FUT4: variants seen among roughly 807,000 people sequenced by gnomAD.
FUT4 encodes the protein alpha-(1,3)-fucosyltransferase 4.
In FUT4, 1 loss-of-function variant was observed where a neutral mutation model predicts 3.8. The observed-to-expected ratio is 0.26, with a 90% CI of 0.09 to 1.25. The LOEUF (loss-of-function observed/expected upper bound fraction) is 1.25, where lower values mean the gene tolerates loss of function less well. Among genes scored for constraint, FUT4 ranks in the 50% most tolerant of loss-of-function variants. The pLI, the probability that FUT4 is intolerant of heterozygous loss-of-function variation, is 0.47. For synonymous variants in FUT4, 417 were observed against 355.3 expected (o/e 1.17, Z -1.95); for missense variants, 880 against 768.2 (o/e 1.15, Z -1.72).
At position 94,544,903 on chromosome 11, in the gene FUT4, C is replaced by A; in HGVS notation, c.770C>A (p.Ala257Glu). ...PDWPPPWGIQAHTAEEVDLRV... is the reference protein window; with the variant it reads ...PDWPPPWGIQEHTAEEVDLRV... ...TGGCCCCCGCCCTGGGGCATCCAGG[C>A]GCACACTGCCGAGGAGGTGGATCTG... Residue 257 changes from alanine to glutamate, a missense_variant, in exon 1 of 1, where the codon GCG becomes GAG. Physicochemically the swap from Ala to Glu is moderately radical, Grantham distance 107. This residue lies in a region of FUT4 where 424 missense variants were observed against 400.4 expected (regional missense o/e 1.06). Coordinates refer to ENST00000358752, the MANE Select transcript of FUT4 (RefSeq NM_002033.4). 2 of 1,608,872 alleles carry A rather than the reference C, an allele frequency of 1.2e-6. No homozygotes were observed. The highest frequency in any genetic ancestry group is 1.7e-6 in the Non-Finnish European group (2 of 1,178,870).
In FUT4 at chr11:94,544,814, G is replaced by C. The variant is rs1179945261; in HGVS notation, c.681G>C (p.Ala227=). 1.9e-6 allele frequency: 3 copies of C among 1,600,348 alleles called. No individual in the cohort carries two copies. Among genetic ancestry groups the C allele is most frequent in the Non-Finnish European group, 2.5e-6 (3 of 1,178,876 alleles). Residue 227 remains alanine (A), a synonymous_variant, in exon 1 of 1, where the codon GCG becomes GCC. Coordinates refer to ENST00000358752, the MANE Select transcript of FUT4 (RefSeq NM_002033.4). ...GCTGCCGCCTGCTCACCGACCGCGC[G>C]TCCTACGGAGAGGCTCAGGCCGTGC... The part of the protein sequence containing the change: ...ISGCRLLTDR[A]SYGEAQAVLF...
chr11:94,548,918 G>A lies in FUT4; in HGVS notation c.*3192G>A, dbSNP rs950684395. On this transcript the variant is annotated 3_prime_UTR_variant, in exon 1 of 1. Transcript: ENST00000358752. The stretch of plus-strand genomic sequence containing the variant: ...GTCTTTTCCTAGCAGTAATTTAGGG[G>A]AGACAGAGGAGTTTCATGTAAAGAG... The A allele has an allele frequency of 6.0e-6, 1 of 166,972 alleles. No homozygotes were observed. Among genetic ancestry groups the A allele is most frequent in the Non-Finnish European group, 1.5e-5 (1 of 68,106 alleles). 10.3% of individuals were successfully genotyped at this position (166,972 alleles called of 1,614,324 possible). A position where few individuals can be genotyped will look rare whatever the true frequency, so the allele number is the denominator to read the frequency against.
chr11:94,545,434 G>A lies in FUT4; in HGVS notation c.1301G>A (p.Gly434Glu). The A allele has an allele frequency of 6.2e-7, 1 of 1,613,246 alleles. No homozygotes were observed. The highest frequency in any genetic ancestry group is 1.1e-5 in the South Asian group (1 of 91,038). The change falls in exon 1 of 1, where the codon GGG (glycine) becomes GAG (glutamate). Residue 434 changes from glycine (G) to glutamate (E), a missense_variant. By Grantham distance (98) the Gly-to-Glu change is moderately conservative. Transcript: ENST00000358752. ...EKLWRNALLA[G>E]AVPVVLGPDR... ...CTCTGGCGCAACGCGTTGCTCGCTG[G>A]GGCGGTGCCGGTGGTGCTGGGCCCA...
chr11:94,547,833 C>T lies in FUT4; in HGVS notation c.*2107C>T, dbSNP rs1389080025. 2 of 166,976 alleles carry T rather than the reference C, an allele frequency of 1.2e-5. No homozygotes were observed. The highest frequency in any genetic ancestry group is 1.9e-4 in the East Asian group (1 of 5,196). The allele number at this position is 166,976 out of a possible 1,614,324, so 10.3% of individuals were successfully genotyped here. On this transcript the variant is annotated 3_prime_UTR_variant, in exon 1 of 1. Transcript: ENST00000358752. ...AATTAGTAGTAGTCCTGAGCCTCAG[C>T]GTCCTCATCTATAAAATGACTGGCG...
rs753122175 is a variant in FUT4 at position 94,544,986 on chromosome 11, C to T, written c.853C>T (p.Pro285Ser). 1.2e-6 allele frequency: 2 copies of T among 1,607,174 alleles called. No individual in the cohort carries two copies. The highest frequency in any genetic ancestry group is 1.1e-5 in the South Asian group (1 of 90,640). The change falls in exon 1 of 1, where the codon CCC becomes TCC. Residue 285 changes from proline (P) to serine (S), a missense_variant. Pro to Ser is a moderately conservative substitution (Grantham distance 74). Coordinates refer to ENST00000358752, the MANE Select transcript of FUT4 (RefSeq NM_002033.4). ...GGCAGAAGCCCTGGCGACCTCCAGC[C>T]CCAGGCCCCCGGGCCAGCGCTGGGT... ...AAAEALATSS[P>S]RPPGQRWVWM... is the part of the protein sequence containing the mutation.
In FUT4 at chr11:94,544,734, C is replaced by A; in HGVS notation, c.601C>A (p.Arg201Ser). The A allele has an allele frequency of 6.4e-7, 1 of 1,556,926 alleles. No individual in the cohort carries two copies. The highest frequency in any genetic ancestry group is 2.4e-5 in the East Asian group (1 of 41,966). ...GCTGTGGTGGGAGCCCTTCGGGGGG[C>A]GCGATAGCGCCCCGAGGCCGCCCCC... ...VLLWWEPFGGRDSAPRPPPDC... is the reference protein window; with the variant it reads ...VLLWWEPFGGSDSAPRPPPDC... The change falls in exon 1 of 1, where the codon CGC becomes AGC. Residue 201 changes from arginine to serine, a missense_variant. This residue lies in a region of FUT4 where 447 missense variants were observed against 339.5 expected (regional missense o/e 1.32). Transcript: ENST00000358752.
Position 94,545,809 on chromosome 11 carries a change from C to T in FUT4, c.*83C>T, listed in dbSNP as rs754926863. The stretch of plus-strand genomic sequence containing the variant: ...CTACTGTGCATCTCCTTGACTGCCG[C>T]ATCATGGGAGTAAGTTCTTCAAACA... On this transcript the variant is annotated 3_prime_UTR_variant, in exon 1 of 1. Coordinates refer to ENST00000358752, the MANE Select transcript of FUT4 (RefSeq NM_002033.4). The T allele has an allele frequency of 1.4e-6, 2 of 1,470,514 alleles. No homozygotes were observed. Among genetic ancestry groups the T allele is most frequent in the Non-Finnish European group, 9.3e-7 (1 of 1,073,284 alleles). The allele number at this position is 1,470,514 out of a possible 1,614,324, so 91.1% of individuals were successfully genotyped here.
Position 94,545,813 on chromosome 11 carries a change from A to C in FUT4, c.*87A>C. 6.8e-7 allele frequency: 1 copy of C among 1,459,964 alleles called. No individual in the cohort carries two copies. Among genetic ancestry groups the C allele is most frequent in the Non-Finnish European group, 9.4e-7 (1 of 1,064,012 alleles). 90.4% of individuals were successfully genotyped at this position (1,459,964 alleles called of 1,614,324 possible). ...TGTGCATCTCCTTGACTGCCGCATC[A>C]TGGGAGTAAGTTCTTCAAACACCCA... On this transcript the variant is annotated 3_prime_UTR_variant, in exon 1 of 1. Transcript: ENST00000358752.
chr11:94,545,753 G>A lies in FUT4; in HGVS notation c.*27G>A, dbSNP rs1947854689. The A allele has an allele frequency of 6.3e-7, 1 of 1,594,414 alleles. No homozygotes were observed. Among genetic ancestry groups the A allele is most frequent in the African/African-American group, 1.3e-5 (1 of 74,436 alleles). On this transcript the variant is annotated 3_prime_UTR_variant, in exon 1 of 1. Transcript: ENST00000358752. ...GCCGCGCTCCCCTGGAAGCGACCCAGGGGAGGCCAAGTTGTCAGCTTTTTG... is the reference window on the plus strand; with the variant it reads ...GCCGCGCTCCCCTGGAAGCGACCCAAGGGAGGCCAAGTTGTCAGCTTTTTG...
rs574070678 is a variant in FUT4 at position 94,547,900 on chromosome 11, G to T, written c.*2174G>T. 2 of 167,060 alleles carry T rather than the reference G, an allele frequency of 1.2e-5. No homozygotes were observed. The highest frequency in any genetic ancestry group is 2.9e-5 in the Non-Finnish European group (2 of 68,128). 10.3% of individuals were successfully genotyped at this position (167,060 alleles called of 1,614,324 possible). A position where few individuals can be genotyped will look rare whatever the true frequency, so the allele number is the denominator to read the frequency against. On this transcript the variant is annotated 3_prime_UTR_variant, in exon 1 of 1. Coordinates refer to ENST00000358752, the MANE Select transcript of FUT4 (RefSeq NM_002033.4). The stretch of plus-strand genomic sequence containing the variant: ...TCATTTTGAGCACTTTAGGAAGTAA[G>T]TGAAAGTACCTAAAATAGCAGGCAC...
Position 94,544,573 on chromosome 11 carries a change from G to C in FUT4, c.440G>C (p.Arg147Pro). The C allele has an allele frequency of 7.7e-7, 1 of 1,306,068 alleles. No homozygotes were observed. Among genetic ancestry groups the C allele is most frequent in the South Asian group, 2.8e-5 (1 of 36,270 alleles). 80.9% of individuals were successfully genotyped at this position (1,306,068 alleles called of 1,614,324 possible). A position where few individuals can be genotyped will look rare whatever the true frequency, so the allele number is the denominator to read the frequency against. Residue 147 changes from arginine to proline, a missense_variant, in exon 1 of 1, where the codon CGG becomes CCG. Arg to Pro is a moderately radical substitution (Grantham distance 103). This residue lies in a region of FUT4 where 447 missense variants were observed against 339.5 expected (regional missense o/e 1.32). Coordinates refer to ENST00000358752, the MANE Select transcript of FUT4 (RefSeq NM_002033.4). ...GGGCGGCGCGGGTGGCGCCGAGGCCGGGGGCTGCCATGGACCGTCTGTGTG... is the reference window on the plus strand; with the variant it reads ...GGGCGGCGCGGGTGGCGCCGAGGCCCGGGGCTGCCATGGACCGTCTGTGTG... ...AGGRRGWRRG[R>P]GLPWTVCVLA...
At position 94,548,806 on chromosome 11, in the gene FUT4, A is replaced by G. The variant is rs929248166; in HGVS notation, c.*3080A>G. ...AGTATTTTTAGTACTTGATGACTCT[A>G]ATTACATGAATGCACCTGGAATGAC... On this transcript the variant is annotated 3_prime_UTR_variant, in exon 1 of 1. Transcript: ENST00000358752. The G allele has an allele frequency of 1.2e-5, 2 of 167,054 alleles. No individual in the cohort carries two copies. Among genetic ancestry groups the G allele is most frequent in the Non-Finnish European group, 2.9e-5 (2 of 68,116 alleles). The allele number at this position is 167,054 out of a possible 1,614,324, so 10.3% of individuals were successfully genotyped here.
chr11:94,544,249 G>T lies in FUT4; in HGVS notation c.116G>T (p.Arg39Leu). 6.6e-7 allele frequency: 1 copy of T among 1,511,038 alleles called. No homozygotes were observed. The highest frequency in any genetic ancestry group is 8.8e-7 in the Non-Finnish European group (1 of 1,135,812). The allele number at this position is 1,511,038 out of a possible 1,614,324, so 93.6% of individuals were successfully genotyped here. A position where few individuals can be genotyped will look rare whatever the true frequency, so the allele number is the denominator to read the frequency against. ...TGGTCGGGCCGGCTGGGCCCCGGGCGCAGTGGAAGAAAGGGACGGGCGGTG... is the reference window on the plus strand; with the variant it reads ...TGGTCGGGCCGGCTGGGCCCCGGGCTCAGTGGAAGAAAGGGACGGGCGGTG... ...GAWSGRLGPG[R>L]SGRKGRAVPG... is the part of the protein sequence containing the mutation. The change falls in exon 1 of 1, where the codon CGC becomes CTC. Residue 39 changes from arginine (R) to leucine (L), a missense_variant. Around this residue, in one of 3 missense-constraint regions of FUT4, gnomAD observed 447 missense variants for 339.5 expected, o/e 1.32. Coordinates refer to ENST00000358752, the MANE Select transcript of FUT4 (RefSeq NM_002033.4).
Position 94,546,021 on chromosome 11 carries a change from AG to A in FUT4, c.*296del, listed in dbSNP as rs1325680045. The A allele has an allele frequency of 8.0e-6, 4 of 499,426 alleles. No homozygotes were observed. The highest frequency in any genetic ancestry group is 7.8e-5 in the African/African-American group (4 of 51,016). 30.9% of individuals were successfully genotyped at this position (499,426 alleles called of 1,614,324 possible). A position where few individuals can be genotyped will look rare whatever the true frequency, so the allele number is the denominator to read the frequency against. On this transcript the variant is annotated 3_prime_UTR_variant, in exon 1 of 1. Transcript: ENST00000358752. ...CTTGTAACCAGTGCAGAAATGAAAT[AG>A]CTTAGCGGCAAGAAGCCGTTGAGGC...
In FUT4 at chr11:94,545,522, A is replaced by T. The variant is rs780851322; in HGVS notation, c.1389A>T (p.Pro463=). The T allele has an allele frequency of 2.5e-6, 4 of 1,613,626 alleles. No individual in the cohort carries two copies. The highest frequency in any genetic ancestry group is 3.4e-6 in the Non-Finnish European group (4 of 1,179,976). The stretch of plus-strand genomic sequence containing the variant: ...CCTTCATCCACGTGGACGACTTCCC[A>T]AGTGCCTCCTCCCTGGCCTCGTACC... The part of the protein sequence containing the change: ...RGAFIHVDDF[P]SASSLASYLL... Residue 463 remains proline (P), a synonymous_variant, in exon 1 of 1, where the codon CCA becomes CCT. Transcript: ENST00000358752.
In FUT4 at chr11:94,546,710, T is replaced by C. The variant is rs1184808961; in HGVS notation, c.*984T>C. ...TCCACACAATTATTTATTTCATGTC[T>C]TTACTGGACCTGAAATTTAAACTGC... On this transcript the variant is annotated 3_prime_UTR_variant, in exon 1 of 1. Coordinates refer to ENST00000358752, the MANE Select transcript of FUT4 (RefSeq NM_002033.4). 1.2e-5 allele frequency: 2 copies of C among 166,954 alleles called. No homozygotes were observed. Among genetic ancestry groups the C allele is most frequent in the African/African-American group, 4.8e-5 (2 of 41,462 alleles). The allele number at this position is 166,954 out of a possible 1,614,324, so 10.3% of individuals were successfully genotyped here.
At position 94,544,277 on chromosome 11, in the gene FUT4, C is replaced by T. The variant is rs1322654824; in HGVS notation, c.144C>T (p.Pro48=). The T allele has an allele frequency of 3.9e-6, 6 of 1,548,858 alleles. No individual in the cohort carries two copies. In the South Asian group the frequency reaches 5.9e-5, roughly 15 times the overall value. Residue 48 remains proline, a synonymous_variant, in exon 1 of 1, where the codon CCC becomes CCT. Coordinates refer to ENST00000358752, the MANE Select transcript of FUT4 (RefSeq NM_002033.4). ...GRSGRKGRAV[P]GWASWPAHLA... is the part of the protein sequence containing the mutation. ...GTGGAAGAAAGGGACGGGCGGTGCC[C>T]GGTTGGGCGTCCTGGCCAGCTCACC...
rs778269558 is a variant in FUT4, at chr11:94,549,326, G to C, written c.*3600G>C. The C allele has an allele frequency of 6.0e-6, 1 of 167,084 alleles. No individual in the cohort carries two copies. Among genetic ancestry groups the C allele is most frequent in the Non-Finnish European group, 1.5e-5 (1 of 68,142 alleles). The allele number at this position is 167,084 out of a possible 1,614,324, so 10.4% of individuals were successfully genotyped here. On this transcript the variant is annotated 3_prime_UTR_variant, in exon 1 of 1. Coordinates refer to ENST00000358752, the MANE Select transcript of FUT4 (RefSeq NM_002033.4). ...GTGATTACCATCAGTCCATTTTACCGAGGAAGGAGCCAAGGTCCAGGCCCA... is the reference window on the plus strand; with the variant it reads ...GTGATTACCATCAGTCCATTTTACCCAGGAAGGAGCCAAGGTCCAGGCCCA...
rs972814488 is a variant in FUT4, at chr11:94,545,450, G to A, written c.1317G>A (p.Val439=). The A allele has an allele frequency of 6.2e-6, 10 of 1,613,218 alleles. No homozygotes were observed. Among genetic ancestry groups the A allele is most frequent in the Non-Finnish European group, 7.6e-6 (9 of 1,179,784 alleles). The part of the protein sequence containing the change: ...NALLAGAVPV[V]LGPDRANYER... Reference sequence around the variant, plus strand: ...TGCTCGCTGGGGCGGTGCCGGTGGTGCTGGGCCCAGACCGTGCCAACTACG... The same window carrying A: ...TGCTCGCTGGGGCGGTGCCGGTGGTACTGGGCCCAGACCGTGCCAACTACG... Residue 439 remains valine (V), a synonymous_variant, in exon 1 of 1, where the codon GTG becomes GTA. Transcript: ENST00000358752.
Sources: gnomAD v4.1 joint callset for allele counts on GRCh38, gnomAD v4.1.1 for gene constraint, gnomAD v4.1.1 regional missense constraint, MANE v1.5 for transcripts, NCBI Gene and HGNC (gene_info 2026-07-23, HGNC 2026-07-21) for gene names.